Variants in LAMB3 observed in about 807,000 individuals in gnomAD.
LAMB3 encodes the protein laminin subunit beta-3.
A neutral mutation model predicts 140.3 loss-of-function variants in LAMB3; 104 were observed. The observed-to-expected ratio is 0.74, with a 90% confidence interval of 0.63 to 0.87. The LOEUF is 0.87. LAMB3 is among the 40% of genes least tolerant of loss of function. The pLI is 0.00. For synonymous variants in LAMB3, 592 were observed against 602.9 expected, an observed-to-expected ratio of 0.98 and a Z score of 0.26; for missense variants, 1,531 against 1,575.2, an observed-to-expected ratio of 0.97 and a Z score of 0.47.
rs142912342 is a variant in LAMB3 at position 209,617,995 on chromosome 1, C to T, written c.2963G>A (p.Arg988Gln). ...TTCCTGCAGTGCCACTGTCCCCTGC[C>T]GCAGGTTCCCAACCACATCTTCCAC... The part of the protein sequence containing the change: ...GQVEDVVGNL[R>Q]QGTVALQEAQ... Residue 988 changes from arginine (R) to glutamine (Q), a missense_variant, in exon 20 of 23, where the codon CGG becomes CAG. Arg to Gln is a conservative substitution (Grantham distance 43). Coordinates refer to ENST00000356082, the MANE Select transcript of LAMB3 (RefSeq NM_000228.3). 1.4e-4 allele frequency: 232 copies of T among 1,614,168 alleles called. No individual in the cohort carries two copies. The highest frequency in any genetic ancestry group is 2.0e-4 in the African/African-American group (15 of 75,038).
rs556004713 is a variant in LAMB3, at chr1:209,638,723, G to A, written c.184-75C>T. The A allele has an allele frequency of 3.0e-5, 25 of 842,088 alleles. No homozygotes were observed. In the East Asian group the frequency reaches 5.6e-4, roughly 19 times the overall value. The allele number at this position is 842,088 out of a possible 1,614,324, so 52.2% of individuals were successfully genotyped here. A position where few individuals can be genotyped will look rare whatever the true frequency, so the allele number is the denominator to read the frequency against. On this transcript the variant is annotated intron_variant, in intron 3 of 22. Transcript: ENST00000356082. ...TTCCCCCTTGCGTCCTGAGATCCCA[G>A]CATATCTCCTCTGTGGAAATCCTGC...
At position 209,650,825 on chromosome 1, in the gene LAMB3, G is replaced by A. The variant is rs1022716115; in HGVS notation, c.28+92C>T. ...ACTGAAGGGACTACAGGTGACAGGT[G>A]ATGCCCACACTTTGGTAAACTCTCC... is the stretch of plus-strand genomic sequence containing the variant. On this transcript the variant is annotated intron_variant, in intron 2 of 22. Coordinates refer to ENST00000356082, the MANE Select transcript of LAMB3 (RefSeq NM_000228.3). The A allele has an allele frequency of 9.2e-6, 11 of 1,200,722 alleles. No homozygotes were observed. In the Admixed American group the frequency reaches 1.2e-4, roughly 13 times the overall value. 74.4% of individuals were successfully genotyped at this position (1,200,722 alleles called of 1,614,324 possible).
intron 3 of LAMB3, among the ~76,000 whole-genome samples, chr1:209,639,644 C>T (rs1434406754): frequency 2.0e-5 from 3 of 151,932 alleles, no homozygotes; most frequent in Non-Finnish European, 4.4e-5. Flanking sequence ...CACACACACG[C>T]ACACGCGTGC....
chr1:209,615,112 G>T lies in LAMB3; in HGVS notation c.*159C>A. ...TCCCATTGGCTCAGGCTCAGCTGCA[G>T]CTCAGGGTAATCTTACTAGCTACAC... On this transcript the variant is annotated 3_prime_UTR_variant, in exon 23 of 23. Transcript: ENST00000356082. 2.5e-6 allele frequency: 2 copies of T among 805,344 alleles called. No individual in the cohort carries two copies. Among genetic ancestry groups the T allele is most frequent in the Non-Finnish European group, 4.0e-6 (2 of 502,258 alleles). The allele number at this position is 805,344 out of a possible 1,614,324, so 49.9% of individuals were successfully genotyped here.
At chr1:209,626,837 C>T in intron 13 of LAMB3, 30 bp downstream of exon 13, 1 of 1,571,832 alleles carries the variant, frequency 6.4e-7, no homozygotes, top group Non-Finnish European at 8.8e-7. Flanking sequence ...CCCCCAGAGC[C>T]TCAGCGTCCC....
At chr1:209,624,081 C>T in intron 14 of LAMB3, 81 bp from the exon 15 acceptor site, 3 of 1,262,664 alleles carry the variant, frequency 2.4e-6, no homozygotes, top group Non-Finnish European at 3.4e-6. Context: ...AGAGCAACTG[C>T]TACTGAGTCA....
chr1:209,643,400 A>C (rs1316399074), intron 3 of LAMB3, among the ~76,000 whole-genome samples: 1 of 152,208 alleles, frequency 6.6e-6, no homozygotes, highest in Non-Finnish European at 1.5e-5. Flanking sequence ...GCATTACCTC[A>C]GAGACACAGT....
At chr1:209,625,176 C>A (rs1666384880) in intron 14 of LAMB3, among the ~76,000 whole-genome samples, 1 of 152,156 alleles carries the variant, frequency 6.6e-6, no homozygotes, top group African/African-American at 2.4e-5. Flanking sequence ...GGAATGCAAA[C>A]TAATTATAGA....
chr1:209,623,558 C>T lies in LAMB3; in HGVS notation c.2305G>A (p.Ala769Thr), dbSNP rs1666290975. 1 of 1,614,110 alleles carries T rather than the reference C, an allele frequency of 6.2e-7. No homozygotes were observed. The highest frequency in any genetic ancestry group is 8.5e-7 in the Non-Finnish European group (1 of 1,180,044). Residue 769 changes from alanine (A) to threonine (T), a missense_variant, in exon 16 of 23, where the codon GCC (alanine) becomes ACC (threonine). Physicochemically the swap from Ala to Thr is moderately conservative, Grantham distance 58. Coordinates refer to ENST00000356082, the MANE Select transcript of LAMB3 (RefSeq NM_000228.3). The surrounding 1 kb of genome is among the most constrained non-coding windows in gnomAD (Gnocchi z 4.2). ...GGGTGSPKLV[A>T]LRLEMSSLPD... ...AACGAAGACATCTCCAGCCTCAGGG[C>T]CACAAGCTTGGGGCTGCCGGTGCCT...
intron 22 of LAMB3, 136 bp downstream of exon 22, chr1:209,616,335 C>T: frequency 9.9e-7 from 1 of 1,006,844 alleles, no homozygotes; most frequent in Non-Finnish European, 1.6e-6. Flanking sequence ...ATGCTAGATG[C>T]CCAGAAAAAA....
intron 5 of LAMB3, among the ~76,000 whole-genome samples, chr1:209,636,882 C>G (rs980263811): frequency 2.6e-5 from 4 of 152,236 alleles, no homozygotes; most frequent in African/African-American, 7.2e-5. Context: ...ATTGCACTCT[C>G]TCACTACTGA....
At position 209,618,422 on chromosome 1, in the gene LAMB3, C is replaced by T. The variant is rs74954839; in HGVS notation, c.2909+30G>A. 6,509 of 1,607,598 alleles carry T rather than the reference C, an allele frequency of 4.0e-3. 222 individuals carry two copies. The African/African-American group carries it at 0.071, about 18-fold the overall frequency. On this transcript the variant is annotated intron_variant, in intron 19 of 22. Transcript: ENST00000356082. ...AGCAAAACGCCAGCTTAATCCTGGGCAGAGAGAAGTTCAGGGCCCAAGGCC... is the reference window on the plus strand; with the variant it reads ...AGCAAAACGCCAGCTTAATCCTGGGTAGAGAGAAGTTCAGGGCCCAAGGCC...
In LAMB3 at chr1:209,617,352, C is replaced by G. The variant is rs558317960; in HGVS notation, c.3228+58G>C. 4 of 1,558,018 alleles carry G rather than the reference C, an allele frequency of 2.6e-6. No individual in the cohort carries two copies. The African/African-American group carries it at 4.1e-5, about 16-fold the overall frequency. ...CTTATAAAGTGTGCAAAGTCCTCCTCTGCTCAGGACCCCCTCACTGGCCGT... is the reference window on the plus strand; with the variant it reads ...CTTATAAAGTGTGCAAAGTCCTCCTGTGCTCAGGACCCCCTCACTGGCCGT... On this transcript the variant is annotated intron_variant, in intron 21 of 22. Coordinates refer to ENST00000356082, the MANE Select transcript of LAMB3 (RefSeq NM_000228.3).
chr1:209,633,172 C>T lies in LAMB3; in HGVS notation c.565-39G>A, dbSNP rs148942479. The stretch of plus-strand genomic sequence containing the variant: ...GGAAAGAGAAGCGCTGAAGAAGAGA[C>T]AAATAGTGTGCCCCGAGTTCAGAAG... On this transcript the variant is annotated intron_variant, in intron 6 of 22. Coordinates refer to ENST00000356082, the MANE Select transcript of LAMB3 (RefSeq NM_000228.3). 104 of 1,457,874 alleles carry T rather than the reference C, an allele frequency of 7.1e-5. No homozygotes were observed. The African/African-American group carries it at 1.2e-3, about 17-fold the overall frequency. The allele number at this position is 1,457,874 out of a possible 1,614,324, so 90.3% of individuals were successfully genotyped here.
intron 13 of LAMB3, 151 bp downstream of exon 13, chr1:209,626,716 A>G: frequency 4.3e-6 from 3 of 695,804 alleles, no homozygotes; most frequent in Non-Finnish European, 2.6e-6. Context: ...AACAGGCCGG[A>G]GTGTGTGCAC....
chr1:209,650,882 T>C, intron 2 of LAMB3, 35 bp downstream of exon 2: 1 of 1,610,316 alleles, frequency 6.2e-7, no homozygotes. Context: ...CCCTGCCATA[T>C]AACAGGGCCT....
In LAMB3 at chr1:209,623,867, C is replaced by T; in HGVS notation, c.2110G>A (p.Glu704Lys). The change falls in exon 15 of 23, where the codon GAA (glutamate) becomes AAA (lysine). Residue 704 changes from glutamate to lysine, a missense_variant. Glu to Lys is a moderately conservative substitution (Grantham distance 56). Transcript: ENST00000356082. This position sits in a 1 kb window ranked among gnomAD's most constrained non-coding sequence, Gnocchi z 4.2. ...TMYQRKREQF[E>K]KISSADPSGA... is the part of the protein sequence containing the mutation. Reference sequence around the variant, plus strand: ...GAAGGATCAGCACTGCTTATTTTTTCAAACTGCTCCCTCTTCCTCTGATAC... The same window carrying T: ...GAAGGATCAGCACTGCTTATTTTTTTAAACTGCTCCCTCTTCCTCTGATAC... 1 of 1,614,186 alleles carries T rather than the reference C, an allele frequency of 6.2e-7. No homozygotes were observed. Among genetic ancestry groups the T allele is most frequent in the East Asian group, 2.2e-5 (1 of 44,880 alleles).
At chr1:209,645,550 T>G (rs1017363843) in intron 3 of LAMB3, among the ~76,000 whole-genome samples, 2 of 152,018 alleles carry the variant, frequency 1.3e-5, no homozygotes, top group African/African-American at 4.8e-5. Flanking sequence ...ACCCTGTCTC[T>G]ACTAAAAATA....
intron 17 of LAMB3, 88 bp downstream of exon 17, chr1:209,622,894 A>G: frequency 6.7e-7 from 1 of 1,487,938 alleles, no homozygotes; most frequent in South Asian, 1.1e-5. Flanking sequence ...TCTGGACTTT[A>G]GTGTAAAATG....
Sources: gnomAD v4.1 joint callset for allele counts (sites outside exome capture counted in the v4.1 genomes callset) on GRCh38, gnomAD v4.1.1 for gene constraint, Gnocchi (gnomAD v3.1) non-coding constraint, MANE v1.5 for transcripts, NCBI Gene and HGNC (gene_info 2026-07-23, HGNC 2026-07-21) for gene names.